The following ASIC2 variants were observed in gnomAD, a reference collection of about 807,000 sequenced individuals.
ASIC2 encodes acid-sensing ion channel 2.
In ASIC2, 25 loss-of-function variants were observed where a neutral mutation model predicts 57.3. That is an observed-to-expected ratio of 0.44 (90% CI 0.32 to 0.61). ASIC2 has a LOEUF of 0.61. ASIC2 is among the 20% of genes least tolerant of loss of function. The probability of loss-of-function intolerance (pLI) is 0.06; values close to 1 mark genes in which losing one functional copy is unlikely to be tolerated. For missense variants in ASIC2, 641 were observed against 738.1 expected (o/e 0.87, Z 1.52); for synonymous variants, 319 against 307.5 (o/e 1.04, Z -0.39).
intron 1 of ASIC2, among the ~76,000 whole-genome samples, chr17:34,098,584 T>C (rs1487163622): frequency 6.6e-6 from 1 of 152,158 alleles, no homozygotes; most frequent in Non-Finnish European, 1.5e-5. Context: ...AAAAATCCCC[T>C]AACAAAATGT....
chr17:33,764,898 C>T (rs558413742), intron 1 of ASIC2, among the ~76,000 whole-genome samples: 2 of 152,190 alleles, frequency 1.3e-5, no homozygotes, highest in Non-Finnish European at 2.9e-5. Flanking sequence ...TTCCATCTTC[C>T]TGATTGTTAC....
At chr17:33,558,531 G>C (rs1186582466) in intron 1 of ASIC2, among the ~76,000 whole-genome samples, 1 of 152,108 alleles carries the variant, frequency 6.6e-6, no homozygotes, top group Non-Finnish European at 1.5e-5. Flanking sequence ...ATCTGGTTGA[G>C]GATTGTTTTT....
intron 1 of ASIC2, among the ~76,000 whole-genome samples, chr17:34,125,734 C>T (rs928903076): frequency 2.0e-5 from 3 of 152,116 alleles, no homozygotes; most frequent in African/African-American, 7.2e-5. Context: ...TGCCCACAGC[C>T]CCACAAGTAG....
intron 2 of ASIC2, among the ~76,000 whole-genome samples, chr17:33,102,395 TA>T (rs1555570466): frequency 3.3e-5 from 5 of 152,222 alleles, no homozygotes; most frequent in African/African-American, 1.2e-4. Flanking sequence ...CCAGAAACTT[TA>T]AAGATTTTTT....
At chr17:33,641,313 C>T (rs1475444986) in intron 1 of ASIC2, among the ~76,000 whole-genome samples, 2 of 152,200 alleles carry the variant, frequency 1.3e-5, no homozygotes, top group Non-Finnish European at 2.9e-5. Flanking sequence ...AACAGAAGAA[C>T]CCACCTTCAC....
At position 34,098,145 on chromosome 17, in the gene ASIC2, A is replaced by T. The variant is rs192195720; in HGVS notation, c.555+57833T>A. Among the ~76,000 whole-genome samples the T allele has an allele frequency of 2.9e-4, 44 of 152,320 alleles. No homozygotes were observed. In the East Asian group the frequency reaches 6.0e-3, roughly 21 times the overall value. On this transcript the variant is annotated intron_variant, in intron 1 of 9. Transcript: ENST00000359872. ...ACATGGTTGCCCCTGAGGAATTCACAGTCCAGCGAGGGAGAAAGATATGTG... is the reference window on the plus strand; with the variant it reads ...ACATGGTTGCCCCTGAGGAATTCACTGTCCAGCGAGGGAGAAAGATATGTG...
intron 1 of ASIC2, among the ~76,000 whole-genome samples, chr17:33,420,854 A>G (rs1911020836): frequency 6.6e-6 from 1 of 152,206 alleles, no homozygotes; most frequent in Non-Finnish European, 1.5e-5. Flanking sequence ...ATGAATTAGA[A>G]TCCCAGAGTC....
At chr17:33,783,452 T>A (rs1400064465) in intron 1 of ASIC2, among the ~76,000 whole-genome samples, 1 of 152,214 alleles carries the variant, frequency 6.6e-6, no homozygotes, top group East Asian at 1.9e-4. Context: ...TTCAGTAGAG[T>A]GTCTGGCATA....
chr17:33,988,086 G>A (rs548184697), intron 1 of ASIC2, among the ~76,000 whole-genome samples: 2 of 152,178 alleles, frequency 1.3e-5, no homozygotes, highest in Non-Finnish European at 2.9e-5. Flanking sequence ...GGCTAGAAGG[G>A]ATTGGGAGGA....
At chr17:33,798,049 T>A (rs865982528) in intron 1 of ASIC2, among the ~76,000 whole-genome samples, 1 of 151,756 alleles carries the variant, frequency 6.6e-6, no homozygotes, top group South Asian at 2.1e-4. Context: ...AAGGAGCAGA[T>A]GGGAAACAGG....
intron 1 of ASIC2, among the ~76,000 whole-genome samples, chr17:33,734,983 A>C (rs1399507779): frequency 6.6e-6 from 1 of 152,158 alleles, no homozygotes; most frequent in East Asian, 1.9e-4. Context: ...ATTTCTCAAA[A>C]ATTCCAAGCA....
chr17:34,115,607 T>C (rs1321173335), intron 1 of ASIC2, among the ~76,000 whole-genome samples: 1 of 152,244 alleles, frequency 6.6e-6, no homozygotes, highest in Non-Finnish European at 1.5e-5. Flanking sequence ...ACTTCTATTC[T>C]TGTGTGGCTT....
intron 1 of ASIC2, among the ~76,000 whole-genome samples, chr17:33,523,857 G>T (rs1597764742): frequency 6.6e-6 from 1 of 152,304 alleles, no homozygotes; most frequent in East Asian, 1.9e-4. Context: ...GAACAGCTGG[G>T]ACGGAGGGGA....
At chr17:33,940,451 G>A (rs1382968853) in intron 1 of ASIC2, among the ~76,000 whole-genome samples, 1 of 152,160 alleles carries the variant, frequency 6.6e-6, no homozygotes, top group East Asian at 1.9e-4. Flanking sequence ...CCTAAAGGCA[G>A]AGCATGGATA....
At chr17:33,804,398 T>G (rs780418570) in intron 1 of ASIC2, among the ~76,000 whole-genome samples, 2 of 152,192 alleles carry the variant, frequency 1.3e-5, no homozygotes, top group Admixed American at 1.3e-4. Flanking sequence ...GTTGTTTTTA[T>G]GTGGTGGGGA....
At chr17:34,102,954 A>G (rs937061650) in intron 1 of ASIC2, among the ~76,000 whole-genome samples, 1 of 152,142 alleles carries the variant, frequency 6.6e-6, no homozygotes, top group African/African-American at 2.4e-5. Flanking sequence ...TTGTGAGCTG[A>G]TATTTCATTG....
intron 1 of ASIC2, among the ~76,000 whole-genome samples, chr17:33,206,467 ACCAAGGTCAAC>A (rs969752129): frequency 2.0e-5 from 3 of 152,198 alleles, no homozygotes; most frequent in Admixed American, 6.5e-5. Flanking sequence ...TGGGATTTGA[ACCAAGGTCAAC>A]CCAAGGTCAA....
Position 33,427,780 on chromosome 17 carries a change from C to T in ASIC2, c.556-315713G>A, listed in dbSNP as rs372436495. Among the ~76,000 whole-genome samples the T allele has an allele frequency of 5.3e-5, 8 of 152,342 alleles. No homozygotes were observed. In the East Asian group the frequency reaches 1.5e-3, roughly 29 times the overall value. On this transcript the variant is annotated intron_variant, in intron 1 of 9. Coordinates refer to the ASIC2 transcript ENST00000359872. ...AAATGGCCCCCAAAGAACCTTACTC[C>T]CTTGTGTACCAGCCCTTGTGTAGTC...
intron 1 of ASIC2, among the ~76,000 whole-genome samples, chr17:33,821,137 G>A (rs1371558985): frequency 1.3e-5 from 2 of 152,294 alleles, no homozygotes; most frequent in African/African-American, 4.8e-5. Context: ...GGTGGGTATT[G>A]ATGGGGTTTG....
Sources: allele counts gnomAD v4.1 joint callset (sites outside exome capture counted in the v4.1 genomes callset), GRCh38; gene constraint gnomAD v4.1.1; transcripts MANE v1.5; gene names NCBI Gene and HGNC (gene_info 2026-07-23, HGNC 2026-07-21).